The following SLC75A1 variants were observed in gnomAD, a reference collection of about 807,000 sequenced individuals.
The protein encoded by SLC75A1 is solute carrier family 75 member 1.
At chr4:2,931,702 G>C in the SLC75A1 span, 3 of 1,584,448 alleles carry the variant, frequency 1.9e-6, no homozygotes, top group Non-Finnish European at 2.6e-6. Flanking sequence ...CCCGGGGCAG[G>C]GCCACCCAGG....
the SLC75A1 span, chr4:2,933,961 G>A: frequency 6.5e-7 from 1 of 1,537,172 alleles, no homozygotes; most frequent in Non-Finnish European, 8.8e-7. Context: ...GGGGTGCGGC[G>A]GGTCGGGTTA....
chr4:2,931,591 C>G, the SLC75A1 span: 10 of 1,613,366 alleles, frequency 6.2e-6, no homozygotes, highest in East Asian at 2.2e-4. Flanking sequence ...CAGGGTGGAT[C>G]CGCCGGGCAT....
chr4:2,934,288 GATCCC>G, the SLC75A1 span: 1 of 201,858 alleles, frequency 5.0e-6, no homozygotes, highest in South Asian at 5.0e-5. Flanking sequence ...CCCGGATCCC[GATCCC>G]GATCCCGATC....
chr4:2,931,546 GC>G, the SLC75A1 span: 14 of 1,609,524 alleles, frequency 8.7e-6, no homozygotes, highest in Admixed American at 3.4e-5. Flanking sequence ...TTTGGAGGGA[GC>G]CCCCTACCCG....
the SLC75A1 span, chr4:2,933,118 C>T: frequency 6.2e-7 from 1 of 1,613,498 alleles, no homozygotes; most frequent in Non-Finnish European, 8.5e-7. Context: ...GGCACAGCAG[C>T]ATCACCGGGC....
chr4:2,932,493 A>G, the SLC75A1 span: 6 of 1,613,634 alleles, frequency 3.7e-6, no homozygotes, highest in Non-Finnish European at 5.1e-6. Context: ...GCCCAGTGAG[A>G]AGGCCACCCC....
At chr4:2,932,278 CAG>C in the SLC75A1 span, 14,252 of 1,561,746 alleles carry the variant, frequency 9.1e-3, 152 homozygotes, top group African/African-American at 0.046. Flanking sequence ...GGCTGGCACA[CAG>C]GGGCACTTTA....
At chr4:2,933,700 T>A in the SLC75A1 span, 2 of 1,608,134 alleles carry the variant, frequency 1.2e-6, no homozygotes, top group East Asian at 4.5e-5. Context: ...GCTGGGGAGG[T>A]CTGATGGGCC....
the SLC75A1 span, chr4:2,933,490 G>T: frequency 1.4e-6 from 2 of 1,479,386 alleles, no homozygotes; most frequent in Non-Finnish European, 1.9e-6. Flanking sequence ...CGAGAATTGG[G>T]GAGGGGCCTG....
At chr4:2,932,072 G>A in the SLC75A1 span, 733 of 1,611,020 alleles carry the variant, frequency 4.5e-4, 8 homozygotes, top group East Asian at 0.013. Context: ...TCCTGGCCAC[G>A]AGCGACAGCC....
At chr4:2,932,423 G>C in the SLC75A1 span, 1 of 1,613,730 alleles carries the variant, frequency 6.2e-7, no homozygotes, top group Non-Finnish European at 8.5e-7. Flanking sequence ...CGAAGAGCAG[G>C]GCAAACCAGG....
chr4:2,934,127 G>A, the SLC75A1 span: 2 of 617,528 alleles, frequency 3.2e-6, no homozygotes, highest in Non-Finnish European at 5.6e-6. Flanking sequence ...AGCAGGAAAC[G>A]CAGGCTTCGG....
At chr4:2,932,737 CAT>C in the SLC75A1 span, 5 of 1,578,828 alleles carry the variant, frequency 3.2e-6, no homozygotes, top group Non-Finnish European at 4.3e-6. Context: ...GCCCAGACTG[CAT>C]ATGAGGTGGC....
At chr4:2,933,502 G>A in the SLC75A1 span, 11 of 1,548,498 alleles carry the variant, frequency 7.1e-6, no homozygotes, top group African/African-American at 1.2e-4. Flanking sequence ...AGGGGCCTGG[G>A]CTGGACCACG....
chr4:2,931,956 G>A, the SLC75A1 span: 2 of 1,602,500 alleles, frequency 1.2e-6, no homozygotes, highest in Admixed American at 3.5e-5. Flanking sequence ...GGTGGCGCGT[G>A]CTGAGAAGGC....
At chr4:2,931,524 C>T in the SLC75A1 span, 2 of 1,601,262 alleles carry the variant, frequency 1.2e-6, no homozygotes, top group Non-Finnish European at 1.7e-6. Context: ...CAGGGGACTG[C>T]CTGCCACCCG....
the SLC75A1 span, chr4:2,931,678 G>GTTAGT: frequency 6.2e-7 from 1 of 1,607,718 alleles, no homozygotes; most frequent in Non-Finnish European, 8.5e-7. Context: ...GAGCGGGTGT[G>GTTAGT]TTAGTGCAGG....
the SLC75A1 span, chr4:2,933,010 G>T: frequency 8.0e-7 from 1 of 1,246,354 alleles, no homozygotes; most frequent in Non-Finnish European, 1.1e-6. Flanking sequence ...GGCCATGAGG[G>T]GCCCACAGCC....
the SLC75A1 span, chr4:2,932,162 A>T: frequency 6.3e-7 from 1 of 1,599,358 alleles, no homozygotes; most frequent in Non-Finnish European, 8.5e-7. Flanking sequence ...GCCTGTGGGG[A>T]TGGCATTGGA....
Sources: allele counts gnomAD v4.1 joint callset, GRCh38; gene constraint gnomAD v4.1.1; transcripts MANE v1.5; gene names NCBI Gene and HGNC (gene_info 2026-07-23, HGNC 2026-07-21).